Variants in CDH4 observed in about 807,000 individuals in gnomAD.
The protein encoded by CDH4 is cadherin-4.
CDH4 carries 33 observed loss-of-function variants against 86.0 expected under a neutral mutation model. That is an observed-to-expected ratio of 0.38 (90% CI 0.29 to 0.51). The LOEUF (loss-of-function observed/expected upper bound fraction) is 0.51. Ranked by LOEUF, CDH4 falls within the 20% of genes least tolerant of loss-of-function variation. The probability of loss-of-function intolerance (pLI) is 0.86; values close to 1 mark genes in which losing one functional copy is unlikely to be tolerated. For synonymous variants in CDH4, 555 were observed against 549.4 expected (o/e 1.01, Z -0.14); for missense variants, 1,114 against 1,307.4 (o/e 0.85, Z 2.28).
At chr20:61,282,614 C>T (rs530605284) in intron 2 of CDH4, among the ~76,000 whole-genome samples, 1 of 151,602 alleles carries the variant, frequency 6.6e-6, no homozygotes, top group African/African-American at 2.4e-5. Flanking sequence ...ACTGGATGAG[C>T]ATGGTGTGTG....
intron 3 of CDH4, among the ~76,000 whole-genome samples, chr20:61,771,010 CTT>C (rs756131628): frequency 8.4e-5 from 11 of 130,368 alleles, no homozygotes; most frequent in Admixed American, 1.5e-4. Context: ...TTCTTTTTTT[CTT>C]TTTTTTTTTT....
intron 2 of CDH4, among the ~76,000 whole-genome samples, chr20:61,620,349 T>C (rs183691651): frequency 6.6e-6 from 1 of 150,446 alleles, no homozygotes; most frequent in African/African-American, 2.5e-5. Flanking sequence ...GATGGATAGA[T>C]AGATGATGAT....
intron 3 of CDH4, among the ~76,000 whole-genome samples, chr20:61,762,299 C>T (rs1340947359): frequency 6.6e-6 from 1 of 152,222 alleles, no homozygotes; most frequent in Non-Finnish European, 1.5e-5. Flanking sequence ...CACAGCGGGA[C>T]TGGCCAGCAT....
At chr20:61,588,299 G>A (rs777502745) in intron 2 of CDH4, among the ~76,000 whole-genome samples, 141 of 152,330 alleles carry the variant, frequency 9.3e-4, no homozygotes, top group Non-Finnish European at 8.8e-4. Context: ...TAAGAACTAG[G>A]AAGGCGTAGG....
At chr20:61,267,444 G>A (rs1447836434) in intron 2 of CDH4, among the ~76,000 whole-genome samples, 1 of 152,222 alleles carries the variant, frequency 6.6e-6, no homozygotes, top group African/African-American at 2.4e-5. Context: ...TCAAAGTGCA[G>A]CTCAGGTGGG....
At chr20:61,373,336 C>T (rs1428995220) in intron 2 of CDH4, among the ~76,000 whole-genome samples, 1 of 152,194 alleles carries the variant, frequency 6.6e-6, no homozygotes, top group African/African-American at 2.4e-5. Context: ...CCAGGGATCC[C>T]GAGCAGGAGG....
intron 2 of CDH4, among the ~76,000 whole-genome samples, chr20:61,401,853 C>A (rs12480785): frequency 0.5 from 76,270 of 151,760 alleles, 20,179 homozygotes; most frequent in African/African-American, 0.67. Context: ...AACGGAGGCC[C>A]ATGAAAGAAG....
chr20:61,466,975 T>C (rs2085475852), intron 2 of CDH4, among the ~76,000 whole-genome samples: 1 of 152,264 alleles, frequency 6.6e-6, no homozygotes, highest in Admixed American at 6.5e-5. Context: ...ATTACTATCT[T>C]GGCCTCTTTC....
chr20:61,419,072 T>C (rs771457141), intron 2 of CDH4, among the ~76,000 whole-genome samples: 2 of 152,174 alleles, frequency 1.3e-5, no homozygotes, highest in Admixed American at 6.5e-5. Flanking sequence ...GGTGTACATA[T>C]CTTTCTGGGG....
At chr20:61,892,030 G>A (rs1023296558) in intron 7 of CDH4, among the ~76,000 whole-genome samples, 5 of 152,374 alleles carry the variant, frequency 3.3e-5, no homozygotes, top group African/African-American at 1.2e-4. Flanking sequence ...TCTCTGTGCA[G>A]ATACTCAGCT....
At chr20:61,444,113 T>C in intron 2 of CDH4, among the ~76,000 whole-genome samples, 1 of 151,812 alleles carries the variant, frequency 6.6e-6, no homozygotes, top group Non-Finnish European at 1.5e-5. Flanking sequence ...TGTGATTGTG[T>C]GTATCTCTAT....
intron 2 of CDH4, among the ~76,000 whole-genome samples, chr20:61,255,280 G>C (rs1201896023): frequency 3.3e-5 from 5 of 152,236 alleles, no homozygotes; most frequent in Non-Finnish European, 7.3e-5. Context: ...TGAAATGTAT[G>C]ATAAAGCAGA....
intron 2 of CDH4, among the ~76,000 whole-genome samples, chr20:61,449,997 G>T (rs941003307): frequency 2.0e-5 from 3 of 152,344 alleles, no homozygotes; most frequent in Admixed American, 6.5e-5. Flanking sequence ...CCCTTTTGGA[G>T]CAGGTGCCGT....
chr20:61,437,747 G>A (rs1029941954), intron 2 of CDH4, among the ~76,000 whole-genome samples: 3 of 152,080 alleles, frequency 2.0e-5, no homozygotes, highest in South Asian at 2.1e-4. Context: ...AGGTCGCTGG[G>A]GACCCTTTCA....
chr20:61,910,624 C>T lies in CDH4; in HGVS notation c.1374+17C>T, dbSNP rs776475402. 4.4e-6 allele frequency: 7 copies of T among 1,606,606 alleles called. No individual in the cohort carries two copies. On this transcript the variant is annotated intron_variant, in intron 9 of 15. Transcript: ENST00000614565. The stretch of plus-strand genomic sequence containing the variant: ...GTGGTGAAGGTGCGTACTCTTCTCA[C>T]ACCCTGCCAGGCACCCCAAGTTCTG...
chr20:61,268,558 A>G (rs1253007719), intron 2 of CDH4, among the ~76,000 whole-genome samples: 1 of 152,152 alleles, frequency 6.6e-6, no homozygotes, highest in African/African-American at 2.4e-5. Flanking sequence ...TCTTGTTGAA[A>G]TGTGATCCCA....
intron 3 of CDH4, among the ~76,000 whole-genome samples, chr20:61,768,146 T>C (rs1049007179): frequency 6.6e-6 from 1 of 152,216 alleles, no homozygotes; most frequent in South Asian, 2.1e-4. Flanking sequence ...CCAAGATATC[T>C]TGCTGCTGGG....
chr20:61,590,741 C>A (rs949675336), intron 2 of CDH4, among the ~76,000 whole-genome samples: 1 of 152,170 alleles, frequency 6.6e-6, no homozygotes, highest in Non-Finnish European at 1.5e-5. Context: ...AGTTATCACA[C>A]CCTTCACCTT....
At chr20:61,758,151 C>T (rs775470106) in intron 3 of CDH4, among the ~76,000 whole-genome samples, 2 of 152,180 alleles carry the variant, frequency 1.3e-5, no homozygotes, top group Non-Finnish European at 2.9e-5. Context: ...TACCAAGCCC[C>T]GGGACAGGTG....
Sources: gnomAD v4.1 joint callset for allele counts (sites outside exome capture counted in the v4.1 genomes callset) on GRCh38, gnomAD v4.1.1 for gene constraint, MANE v1.5 for transcripts, NCBI Gene and HGNC (gene_info 2026-07-23, HGNC 2026-07-21) for gene names.